MCF2: variants seen among roughly 807,000 people sequenced by gnomAD.
MCF2 encodes proto-oncogene DBL.
MCF2 carries 44 observed loss-of-function variants against 82.5 expected under a neutral mutation model. The ratio of observed to expected loss-of-function variants is 0.53; its 90% confidence interval spans 0.42 to 0.69. The LOEUF is 0.69. Among genes scored for constraint, MCF2 ranks in the 30% least tolerant of loss-of-function variants. The pLI, the probability that MCF2 is intolerant of heterozygous loss-of-function variation, is 0.00. For synonymous variants in MCF2, 217 were observed against 224.9 expected, an observed-to-expected ratio of 0.96 and a Z score of 0.32; for missense variants, 623 against 663.1, an observed-to-expected ratio of 0.94 and a Z score of 0.66.
At chrX:139,658,796 C>T (rs1044503699) in intron 1 of MCF2, among the ~76,000 whole-genome samples, 2 of 107,238 alleles carry the variant, frequency 1.9e-5, no homozygotes, top group African/African-American at 6.8e-5. Flanking sequence ...CAACCTCAGC[C>T]TCCCAAGTAA....
intron 9 of MCF2, among the ~76,000 whole-genome samples, chrX:139,615,893 C>T (rs762710565): frequency 9.0e-6 from 1 of 111,307 alleles, no homozygotes; most frequent in Non-Finnish European, 1.9e-5. Flanking sequence ...CAACATCATC[C>T]ACAGAGCATC....
chrX:139,651,678 G>T, intron 2 of MCF2, 42 bp downstream of exon 2: 1 of 856,056 alleles, frequency 1.2e-6, no homozygotes, highest in Non-Finnish European at 1.7e-6. Context: ...TGCTAATCAA[G>T]TCATATATCT....
intron 1 of MCF2, among the ~76,000 whole-genome samples, chrX:139,655,038 A>G (rs1334677172): frequency 8.9e-6 from 1 of 111,985 alleles, no homozygotes; most frequent in South Asian, 3.7e-4. Context: ...TGTTATGGTC[A>G]ATACAGCTTT....
intron 1 of MCF2, 75 bp from the exon 2 acceptor site, chrX:139,651,863 C>T (rs972570401): frequency 5.1e-6 from 3 of 593,512 alleles, no homozygotes; most frequent in Admixed American, 3.1e-5. Flanking sequence ...CACATGATTT[C>T]TCACTGTGTC....
chrX:139,626,871 G>T, intron 4 of MCF2, 115 bp from the exon 8 acceptor site: 1 of 627,253 alleles, frequency 1.6e-6, no homozygotes, highest in Non-Finnish European at 2.4e-6. Flanking sequence ...TTCTAGAATG[G>T]CCTTTGCTTT....
At chrX:139,629,148 A>G (rs1157180600) in intron 4 of MCF2, among the ~76,000 whole-genome samples, 2 of 112,270 alleles carry the variant, frequency 1.8e-5, no homozygotes, top group African/African-American at 6.5e-5. Context: ...ACAAAAACCT[A>G]GATGGATAGC....
chrX:139,695,690 C>A (rs1224096009), intron 1 of MCF2, among the ~76,000 whole-genome samples: 2 of 111,832 alleles, frequency 1.8e-5, no homozygotes, highest in Non-Finnish European at 3.8e-5. Context: ...CTCCCTGAAC[C>A]AAACACCTTC....
chrX:139,590,045 T>C, intron 19 of MCF2, 118 bp from the exon 24 acceptor site: 1 of 438,689 alleles, frequency 2.3e-6, no homozygotes, highest in Non-Finnish European at 3.9e-6. Context: ...AAAATACATG[T>C]TATATTAAAT....
At chrX:139,618,381 A>T (rs189629991) in intron 7 of MCF2, among the ~76,000 whole-genome samples, 1 of 111,705 alleles carries the variant, frequency 9.0e-6, no homozygotes, top group Non-Finnish European at 1.9e-5. Context: ...TTTCAATTTT[A>T]TAAGGTGAAA....
At chrX:139,583,111 G>C (rs957584758) in intron 24 of MCF2, among the ~76,000 whole-genome samples, 1 of 111,127 alleles carries the variant, frequency 9.0e-6, no homozygotes, top group African/African-American at 3.3e-5. Flanking sequence ...GAGGATACTA[G>C]GTGTATGGTA....
At chrX:139,642,682 GA>G (rs200847661) in exon 1 of MCF2, 41,947 of 792,905 alleles carry the variant, frequency 0.053, 67 homozygotes, top group East Asian at 0.12. Context: ...TGCTGGGGAG[GA>G]AAAAAAAAAA....
chrX:139,588,467 G>C (rs757950571), intron 20 of MCF2, 29 bp from the exon 25 acceptor site: 1 of 948,447 alleles, frequency 1.1e-6, no homozygotes, highest in Admixed American at 2.4e-5. Context: ...GCGGGAGGGA[G>C]GTGGTACACA....
intron 1 of MCF2, among the ~76,000 whole-genome samples, chrX:139,656,029 C>T (rs773976517): frequency 3.6e-5 from 4 of 111,922 alleles, no homozygotes; most frequent in Admixed American, 1.9e-4. Flanking sequence ...GAGGGCAATA[C>T]AGTAAATGCT....
exon 24 of MCF2, chrX:139,585,106 G>C: frequency 8.3e-7 from 1 of 1,204,086 alleles, no homozygotes; most frequent in Non-Finnish European, 1.1e-6. Context: ...ATCATAAGTA[G>C]GGTAGAAATA....
At chrX:139,690,832 G>A (rs1359331288) in intron 1 of MCF2, among the ~76,000 whole-genome samples, 2 of 111,742 alleles carry the variant, frequency 1.8e-5, no homozygotes, top group African/African-American at 3.3e-5. Flanking sequence ...ACAGGAAGGC[G>A]CGCACATCAA....
At chrX:139,599,280 A>C (rs1251159460) in intron 16 of MCF2, among the ~76,000 whole-genome samples, 1 of 107,196 alleles carries the variant, frequency 9.3e-6, no homozygotes, top group Non-Finnish European at 2.0e-5. Flanking sequence ...AAACCACAGT[A>C]ACTTTTGCAC....
intron 2 of MCF2, among the ~76,000 whole-genome samples, chrX:139,649,997 A>G (rs1162669281): frequency 8.9e-6 from 1 of 112,274 alleles, no homozygotes; most frequent in Non-Finnish European, 1.9e-5. Flanking sequence ...ATTAATTCAC[A>G]GTTACCACTA....
intron 1 of MCF2, among the ~76,000 whole-genome samples, chrX:139,692,572 A>G (rs753407222): frequency 4.5e-4 from 50 of 111,830 alleles, no homozygotes; most frequent in African/African-American, 1.6e-3. Flanking sequence ...AGAGATTCCC[A>G]TTTTCGAGGG....
intron 1 of MCF2, among the ~76,000 whole-genome samples, chrX:139,638,292 G>T (rs1933356092): frequency 9.0e-6 from 1 of 111,618 alleles, no homozygotes. Flanking sequence ...TTATAGCAGG[G>T]ATGACACAAG....
Sources: allele counts gnomAD v4.1 joint callset (sites outside exome capture counted in the v4.1 genomes callset), GRCh38; gene constraint gnomAD v4.1.1; transcripts MANE v1.5; gene names NCBI Gene and HGNC (gene_info 2026-07-23, HGNC 2026-07-21).